Variants in ERC2 observed in about 807,000 individuals in gnomAD.
ERC2 encodes ERC protein 2.
ERC2 carries 42 observed loss-of-function variants against 114.8 expected under a neutral mutation model. That is an observed-to-expected ratio of 0.37 (90% CI 0.29 to 0.47). The LOEUF (loss-of-function observed/expected upper bound fraction) is 0.47, where lower values mean the gene tolerates loss of function less well. Among genes scored for constraint, ERC2 ranks in the 20% least tolerant of loss-of-function variants. ERC2 has a pLI of 0.99. For synonymous variants in ERC2, 454 were observed against 425.5 expected (o/e 1.07, Z -0.82); for missense variants, 939 against 1,150.7 (o/e 0.82, Z 2.66).
At chr3:55,561,052 C>T (rs182997394) in intron 17 of ERC2, among the ~76,000 whole-genome samples, 104 of 151,968 alleles carry the variant, frequency 6.8e-4, no homozygotes, top group Middle Eastern at 6.8e-3. Context: ...ATCAATATAT[C>T]GATGGCCAAA....
At chr3:55,833,347 G>C (rs1191464102) in intron 14 of ERC2, among the ~76,000 whole-genome samples, 1 of 150,994 alleles carries the variant, frequency 6.6e-6, no homozygotes, top group Non-Finnish European at 1.5e-5. Flanking sequence ...AAATATTAAG[G>C]GCAGCCAGAG....
chr3:56,212,471 C>T lies in ERC2; in HGVS notation c.1075-38951G>A, dbSNP rs116405379. Among the ~76,000 whole-genome samples, 1,199 of 152,042 alleles carry T rather than the reference C, an allele frequency of 7.9e-3. 6 individuals carry two copies. Among genetic ancestry groups the T allele is most frequent in the Non-Finnish European group, 0.013 (913 of 67,958 alleles). Reference sequence around the variant, plus strand: ...AAAAAATAATAAATGTTGGTGTGGACGTGGTAAAAAAGGAACACTTTTACA... The same window carrying T: ...AAAAAATAATAAATGTTGGTGTGGATGTGGTAAAAAAGGAACACTTTTACA... On this transcript the variant is annotated intron_variant, in intron 3 of 17. Coordinates refer to ENST00000288221, the MANE Select transcript of ERC2 (RefSeq NM_015576.3).
chr3:55,742,021 A>C (rs1270413046), intron 14 of ERC2, among the ~76,000 whole-genome samples: 1 of 151,928 alleles, frequency 6.6e-6, no homozygotes, highest in African/African-American at 2.4e-5. Context: ...ATAACCCTAA[A>C]CTGTCATTCA....
intron 11 of ERC2, among the ~76,000 whole-genome samples, chr3:55,986,691 A>C (rs538003148): frequency 3.7e-4 from 56 of 152,148 alleles, no homozygotes; most frequent in Middle Eastern, 3.4e-3. Flanking sequence ...CGAAGTTCCG[A>C]CTTCATTACT....
chr3:56,007,412 A>G, intron 9 of ERC2, 91 bp from the exon 10 acceptor site: 1 of 1,161,034 alleles, frequency 8.6e-7, no homozygotes, highest in Admixed American at 2.6e-5. Flanking sequence ...ACATAGCAAT[A>G]AAGTGTGCAG....
chr3:55,902,225 T>C (rs2064175004), intron 13 of ERC2, among the ~76,000 whole-genome samples: 1 of 152,064 alleles, frequency 6.6e-6, no homozygotes, highest in South Asian at 2.1e-4. Context: ...AAACCAGACA[T>C]AACGTGCCAG....
intron 2 of ERC2, among the ~76,000 whole-genome samples, chr3:56,368,776 C>G (rs764125799): frequency 2.6e-5 from 4 of 151,794 alleles, no homozygotes; most frequent in Non-Finnish European, 4.4e-5. Flanking sequence ...CAACATCGTC[C>G]TAAATAGCAT....
chr3:56,090,355 A>C (rs1576890090), intron 6 of ERC2, among the ~76,000 whole-genome samples: 1 of 152,222 alleles, frequency 6.6e-6, no homozygotes, highest in Non-Finnish European at 1.5e-5. Context: ...AGTAACCAGA[A>C]TCACTTCTTC....
intron 3 of ERC2, among the ~76,000 whole-genome samples, chr3:56,209,763 C>T (rs1192163949): frequency 1.3e-5 from 2 of 152,110 alleles, no homozygotes; most frequent in South Asian, 2.1e-4. Context: ...GCATCCTCCT[C>T]ATTTTTAACC....
chr3:55,982,369 C>T (rs1021557468), intron 12 of ERC2, among the ~76,000 whole-genome samples: 1 of 151,782 alleles, frequency 6.6e-6, no homozygotes, highest in Non-Finnish European at 1.5e-5. Flanking sequence ...ATAAATTTAG[C>T]ACAATGTTCA....
intron 17 of ERC2, among the ~76,000 whole-genome samples, chr3:55,604,833 C>A (rs1484927470): frequency 6.6e-6 from 1 of 152,142 alleles, no homozygotes; most frequent in Non-Finnish European, 1.5e-5. Flanking sequence ...CCCTTTAATA[C>A]CCCCACATCA....
At chr3:55,716,153 C>T (rs1366198157) in intron 15 of ERC2, among the ~76,000 whole-genome samples, 3 of 152,168 alleles carry the variant, frequency 2.0e-5, no homozygotes, top group Non-Finnish European at 4.4e-5. Flanking sequence ...TACACAGTGG[C>T]TCCCTATGTC....
chr3:55,521,581 T>G (rs757140509), intron 17 of ERC2, among the ~76,000 whole-genome samples: 9 of 152,310 alleles, frequency 5.9e-5, no homozygotes, highest in Non-Finnish European at 1.0e-4. Flanking sequence ...CCAGAACGCC[T>G]AATAGAAGTG....
At chr3:55,995,991 C>A (rs1386897063) in intron 10 of ERC2, among the ~76,000 whole-genome samples, 1 of 152,174 alleles carries the variant, frequency 6.6e-6, no homozygotes, top group African/African-American at 2.4e-5. Flanking sequence ...ATCTGACTAG[C>A]AGCTCCCGAT....
chr3:55,613,657 G>A (rs1001055724), intron 17 of ERC2, among the ~76,000 whole-genome samples: 2 of 152,074 alleles, frequency 1.3e-5, no homozygotes, highest in Non-Finnish European at 2.9e-5. Context: ...AAGAAGTCGG[G>A]ATAATGGCAA....
At chr3:55,888,946 TA>T (rs2063485723) in intron 13 of ERC2, among the ~76,000 whole-genome samples, 2 of 152,106 alleles carry the variant, frequency 1.3e-5, no homozygotes, top group African/African-American at 2.4e-5. Context: ...CAAAAACCCT[TA>T]AAAAATGTTT....
intron 12 of ERC2, among the ~76,000 whole-genome samples, chr3:55,971,655 C>T (rs1364127103): frequency 6.6e-6 from 1 of 152,062 alleles, no homozygotes; most frequent in Non-Finnish European, 1.5e-5. Context: ...AGAAGGAATG[C>T]CAGAAAGGAA....
intron 13 of ERC2, among the ~76,000 whole-genome samples, chr3:55,907,472 T>G (rs989324233): frequency 3.9e-5 from 6 of 152,246 alleles, no homozygotes; most frequent in African/African-American, 1.4e-4. Context: ...GATGCTGTAA[T>G]GACCCATATT....
At chr3:56,326,757 C>T (rs1350696425) in intron 2 of ERC2, among the ~76,000 whole-genome samples, 2 of 152,156 alleles carry the variant, frequency 1.3e-5, no homozygotes, top group Non-Finnish European at 2.9e-5. Context: ...GTGACCACAG[C>T]CCTCTCATTC....
Sources: allele counts gnomAD v4.1 joint callset (sites outside exome capture counted in the v4.1 genomes callset), GRCh38; gene constraint gnomAD v4.1.1; transcripts MANE v1.5; gene names NCBI Gene and HGNC (gene_info 2026-07-23, HGNC 2026-07-21).